Variants in GJB7 observed in about 807,000 individuals in gnomAD.
GJB7 encodes the protein gap junction protein beta 7.
For missense variants in GJB7, 253 were observed against 256.8 expected (o/e 0.99, Z 0.10); for synonymous variants, 87 against 95.2 (o/e 0.91, Z 0.50).
At position 87,302,534 on chromosome 6, in the gene GJB7, G is replaced by T. The variant is rs372740200; in HGVS notation, c.-27-17595C>A. 1.5e-3 allele frequency among the ~76,000 whole-genome samples: 231 copies of T among 152,362 alleles called. 11 individuals are homozygous for T. In the South Asian group the frequency reaches 0.043, roughly 28 times the overall value. On this transcript the variant is annotated intron_variant, in intron 2 of 2. Coordinates refer to ENST00000525899, the MANE Select transcript of GJB7 (RefSeq NM_198568.3). Reference sequence around the variant, plus strand: ...CAAGAAATATGGGACTATGTGAAAAGACCAAATCCATGTCTGATTGGTATA... The same window carrying T: ...CAAGAAATATGGGACTATGTGAAAATACCAAATCCATGTCTGATTGGTATA...
chr6:87,327,231 T>C (rs1212759888), intron 1 of GJB7, among the ~76,000 whole-genome samples: 2 of 147,114 alleles, frequency 1.4e-5, no homozygotes, highest in Non-Finnish European at 3.0e-5. Flanking sequence ...AATTTGCCAG[T>C]CTGTGTCTTT....
At chr6:87,287,693 T>A (rs1776085779) in intron 2 of GJB7, among the ~76,000 whole-genome samples, 1 of 152,162 alleles carries the variant, frequency 6.6e-6, no homozygotes, top group Non-Finnish European at 1.5e-5. Context: ...TGGGCGTTTG[T>A]CTGTATTACT....
intron 1 of GJB7, among the ~76,000 whole-genome samples, chr6:87,325,284 C>T (rs1776789106): frequency 6.8e-6 from 1 of 146,612 alleles, no homozygotes; most frequent in African/African-American, 2.6e-5. Context: ...ATTGCCCTGG[C>T]CAGAACTTCC....
At position 87,289,507 on chromosome 6, in the gene GJB7, T is replaced by A. The variant is rs535467240; in HGVS notation, c.-27-4568A>T. On this transcript the variant is annotated intron_variant, in intron 2 of 2. Coordinates refer to ENST00000525899, the MANE Select transcript of GJB7 (RefSeq NM_198568.3). ...AATAATTTTTTTCATGCTGAAATTG[T>A]TTATGCTGTGCAAGGAAGTCCTCCT... Among the ~76,000 whole-genome samples the A allele has an allele frequency of 7.2e-5, 11 of 152,328 alleles. No homozygotes were observed. The South Asian group carries it at 2.3e-3, about 32-fold the overall frequency.
At chr6:87,327,668 C>G (rs1416541127) in intron 1 of GJB7, among the ~76,000 whole-genome samples, 1 of 150,814 alleles carries the variant, frequency 6.6e-6, no homozygotes, top group African/African-American at 2.4e-5. Flanking sequence ...CCCGACCTTT[C>G]TCTCTGGCTG....
rs143639549 is a variant in GJB7 at position 87,312,830 on chromosome 6, G to A, written c.-28+10036C>T. On this transcript the variant is annotated intron_variant, in intron 2 of 2. Coordinates refer to ENST00000525899, the MANE Select transcript of GJB7 (RefSeq NM_198568.3). The stretch of plus-strand genomic sequence containing the variant: ...GCTCTACTTTCTTCAGGAAGAAAAC[G>A]TGTAATATATGATGTTTATGAGCCA... 1.3e-3 allele frequency among the ~76,000 whole-genome samples: 202 copies of A among 152,286 alleles called. 1 individual carries two copies. The highest frequency in any genetic ancestry group is 4.3e-3 in the African/African-American group (178 of 41,546).
Position 87,284,186 on chromosome 6 carries a change from G to T in GJB7, c.*55C>A, listed in dbSNP as rs1479155233. The T allele has an allele frequency of 1.5e-6, 2 of 1,373,742 alleles. No homozygotes were observed. The highest frequency in any genetic ancestry group is 2.9e-5 in the African/African-American group (2 of 69,148). 85.1% of individuals were successfully genotyped at this position (1,373,742 alleles called of 1,614,324 possible). Reference sequence around the variant, plus strand: ...TTTATGGCCAAGTGTGAAGATTCTGGAGTAGGGGAGGGGTCCCTCTCCTAC... The same window carrying T: ...TTTATGGCCAAGTGTGAAGATTCTGTAGTAGGGGAGGGGTCCCTCTCCTAC... On this transcript the variant is annotated 3_prime_UTR_variant, in exon 3 of 3. Transcript: ENST00000525899.
chr6:87,295,606 T>C (rs187546403), intron 2 of GJB7, among the ~76,000 whole-genome samples: 1 of 152,308 alleles, frequency 6.6e-6, no homozygotes, highest in Admixed American at 6.5e-5. Context: ...CATTTCTATA[T>C]CTGAAGTGAG....
chr6:87,284,608 T>G lies in GJB7; in HGVS notation c.305A>C (p.Glu102Ala). ...VLHVAYHEGR[E>A]KRHRKKLYVS... is the part of the protein sequence containing the mutation. ...ATAGAGTTTCTTTCTGTGCCTTTTC[T>G]CTCTACCCTCATGATAGGCTACATG... The change falls in exon 3 of 3, where the codon GAG becomes GCG. Residue 102 changes from glutamate (E) to alanine (A), a missense_variant. By Grantham distance (107) the Glu-to-Ala change is moderately radical. Coordinates refer to ENST00000525899, the MANE Select transcript of GJB7 (RefSeq NM_198568.3). The G allele has an allele frequency of 6.2e-7, 1 of 1,614,098 alleles. No individual in the cohort carries two copies. Among genetic ancestry groups the G allele is most frequent in the Non-Finnish European group, 8.5e-7 (1 of 1,180,012 alleles).
rs564386624 is a variant in GJB7, at chr6:87,284,504, C to A, written c.409G>T (p.Gly137Cys). The A allele has an allele frequency of 6.8e-6, 11 of 1,614,068 alleles. No homozygotes were observed. In the Admixed American group the frequency reaches 1.7e-4, roughly 24 times the overall value. ...SLIVKTGFEIGFLVLFYKLYD... is the reference protein window; with the variant it reads ...SLIVKTGFEICFLVLFYKLYD... ...AGCTTATAAAATAAAACAAGGAAGC[C>A]AATTTCAAAACCAGTTTTAACAATG... The change falls in exon 3 of 3, where the codon GGC (glycine) becomes TGC (cysteine). Residue 137 changes from glycine to cysteine, a missense_variant. Gly to Cys is a radical substitution (Grantham distance 159). Coordinates refer to ENST00000525899, the MANE Select transcript of GJB7 (RefSeq NM_198568.3).
intron 2 of GJB7, among the ~76,000 whole-genome samples, chr6:87,305,932 T>C (rs1442109930): frequency 6.6e-6 from 1 of 152,126 alleles, no homozygotes; most frequent in African/African-American, 2.4e-5. Context: ...GGGGAAAGGA[T>C]TCCCTATTTA....
chr6:87,301,642 G>T (rs752350677), intron 2 of GJB7, among the ~76,000 whole-genome samples: 1 of 152,212 alleles, frequency 6.6e-6, no homozygotes, highest in Non-Finnish European at 1.5e-5. Flanking sequence ...AGAAACCTCT[G>T]CAGACTTAAA....
intron 1 of GJB7, among the ~76,000 whole-genome samples, chr6:87,326,198 T>A (rs1416142789): frequency 2.0e-5 from 3 of 152,240 alleles, no homozygotes; most frequent in African/African-American, 7.2e-5. Flanking sequence ...TCAATTTTGT[T>A]GATCCGTTCA....
chr6:87,284,445 C>T lies in GJB7; in HGVS notation c.468G>A (p.Lys156=). The T allele has an allele frequency of 1.2e-6, 2 of 1,614,040 alleles. No individual in the cohort carries two copies. The highest frequency in any genetic ancestry group is 1.7e-6 in the Non-Finnish European group (2 of 1,180,018). Residue 156 remains lysine, a synonymous_variant, in exon 3 of 3, where the codon AAG becomes AAA. Transcript: ENST00000525899. The stretch of plus-strand genomic sequence containing the variant: ...TGTTGGGACAAGGCTTCAAATCACA[C>T]TTTATAAGGTAGGGAACACTAAAGC... The part of the protein sequence containing the change: ...YDGFSVPYLI[K]CDLKPCPNTV...
chr6:87,295,061 C>G (rs1005832168), intron 2 of GJB7, among the ~76,000 whole-genome samples: 3 of 151,696 alleles, frequency 2.0e-5, no homozygotes, highest in Non-Finnish European at 4.4e-5. Flanking sequence ...TAGATGACAG[C>G]TATCATTATC....
intron 2 of GJB7, among the ~76,000 whole-genome samples, chr6:87,306,156 C>G (rs1294042588): frequency 6.6e-6 from 1 of 151,978 alleles, no homozygotes; most frequent in African/African-American, 2.4e-5. Context: ...GCAATGGCAA[C>G]AAAAGCCAAA....
At position 87,289,838 on chromosome 6, in the gene GJB7, A is replaced by G. The variant is rs139695410; in HGVS notation, c.-27-4899T>C. Among the ~76,000 whole-genome samples, 447 of 152,296 alleles carry G rather than the reference A, an allele frequency of 2.9e-3. 4 individuals are homozygous for G. Among genetic ancestry groups the G allele is most frequent in the African/African-American group, 0.01 (419 of 41,564 alleles). ...TCAAGCTGGCCTCTGGGAGGAAGAC[A>G]GGCAAGGCTACCTGCATAAATACTG... On this transcript the variant is annotated intron_variant, in intron 2 of 2. Coordinates refer to ENST00000525899, the MANE Select transcript of GJB7 (RefSeq NM_198568.3).
intron 2 of GJB7, chr6:87,299,313 T>C: frequency 2.1e-6 from 1 of 480,162 alleles, no homozygotes; most frequent in African/African-American, 2.0e-5. Context: ...ACATCATTTC[T>C]GATGCAAATA....
chr6:87,324,300 T>G (rs1263209072), intron 1 of GJB7, among the ~76,000 whole-genome samples: 2 of 152,354 alleles, frequency 1.3e-5, no homozygotes, highest in East Asian at 1.9e-4. Context: ...AATTTTGGCT[T>G]TGGTTGCTAT....
Sources: gnomAD v4.1 joint callset for allele counts (sites outside exome capture counted in the v4.1 genomes callset) on GRCh38, gnomAD v4.1.1 for gene constraint, MANE v1.5 for transcripts, NCBI Gene and HGNC (gene_info 2026-07-23, HGNC 2026-07-21) for gene names.